The following EFHC2 variants were observed in gnomAD, a reference collection of about 807,000 sequenced individuals.
The protein encoded by EFHC2 is EF-hand domain-containing family member C2.
EFHC2 carries 18 observed loss-of-function variants against 52.7 expected under a neutral mutation model. The observed-to-expected ratio is 0.34, with a 90% CI of 0.24 to 0.51. The LOEUF (loss-of-function observed/expected upper bound fraction) is 0.51, where lower values mean the gene tolerates loss of function less well. Among genes scored for constraint, EFHC2 ranks in the 20% least tolerant of loss-of-function variants. EFHC2 has a pLI of 0.97. For missense variants in EFHC2, 513 were observed against 562.5 expected (o/e 0.91, Z 0.89); for synonymous variants, 203 against 204.1 (o/e 0.99, Z 0.04).
chrX:44,207,627 T>C (rs925038140), intron 11 of EFHC2, among the ~76,000 whole-genome samples: 2 of 111,975 alleles, frequency 1.8e-5, no homozygotes, highest in African/African-American at 6.5e-5. Context: ...CAAAAGCAAA[T>C]GTAACAAAAC....
intron 2 of EFHC2, among the ~76,000 whole-genome samples, chrX:44,276,012 T>C (rs2037655028): frequency 9.0e-6 from 1 of 111,025 alleles, no homozygotes; most frequent in African/African-American, 3.3e-5. Flanking sequence ...GGTGGGGGCA[T>C]GTGATCTTCA....
chrX:44,148,853 G>A lies in EFHC2; in HGVS notation c.2192C>T (p.Ala731Val), dbSNP rs34729789. 2.1e-4 allele frequency: 252 copies of A among 1,184,079 alleles called. No individual in the cohort carries two copies. In the African/African-American group the frequency reaches 3.7e-3, roughly 18 times the overall value. Residue 731 changes from alanine to valine, a missense_variant, in exon 15 of 15, where the codon GCG becomes GTG. Transcript: ENST00000420999. ...AAAGGTCCAGTAGTCAATGTATTTC[G>A]CAGGAATAGGTGATGGCATACCAAG... ...VWLGMPSPIP[A>V]KYIDYWTFLK... is the part of the protein sequence containing the mutation.
At chrX:44,279,038 T>C (rs1194397457) in intron 2 of EFHC2, among the ~76,000 whole-genome samples, 2 of 112,182 alleles carry the variant, frequency 1.8e-5, no homozygotes, top group Non-Finnish European at 3.8e-5. Context: ...CAGTGAGCAA[T>C]GATTCAAACA....
At chrX:44,287,026 TAAAAAAAAAA>T (rs57970615) in intron 2 of EFHC2, among the ~76,000 whole-genome samples, 1 of 15,209 alleles carries the variant, frequency 6.6e-5, no homozygotes. Context: ...CTCCCATCTC[TAAAAAAAAAA>T]AAAAAAAAAA....
chrX:44,205,444 C>T (rs1379146774), intron 11 of EFHC2, among the ~76,000 whole-genome samples: 1 of 109,804 alleles, frequency 9.1e-6, no homozygotes, highest in Non-Finnish European at 1.9e-5. Flanking sequence ...ACCCAACCTT[C>T]TCCTGTTTTC....
At chrX:44,310,353 C>G (rs2037938613) in intron 2 of EFHC2, 1 of 886,983 alleles carries the variant, frequency 1.1e-6, no homozygotes, top group South Asian at 2.1e-5. Context: ...CTGGCCAGAA[C>G]CCGGGTCCCG....
Position 44,229,719 on chromosome X carries a change from T to G in EFHC2, c.1681A>C (p.Arg561=). 1.7e-6 allele frequency: 2 copies of G among 1,210,732 alleles called. No individual in the cohort carries two copies. The highest frequency in any genetic ancestry group is 2.2e-6 in the Non-Finnish European group (2 of 894,698). The change falls in exon 11 of 15, where the codon AGA becomes CGA. Residue 561 remains arginine (R), a synonymous_variant. Coordinates refer to ENST00000420999, the MANE Select transcript of EFHC2 (RefSeq NM_025184.4). ...QKLKQEEGKS[R]ELKQVFKAAD... ...GCTTTAAATACCTGCTTGAGCTCTC[T>G]GGATTTTCCTTCTTCTTGCTTCAGC...
intron 4 of EFHC2, 35 bp from the exon 5 acceptor site, chrX:44,250,480 G>A: frequency 8.6e-7 from 1 of 1,158,798 alleles, no homozygotes; most frequent in Non-Finnish European, 1.2e-6. Context: ...ATAGTTGCAG[G>A]GTTTGCATAA....
At chrX:44,308,025 T>G (rs2037918787) in intron 2 of EFHC2, among the ~76,000 whole-genome samples, 1 of 111,595 alleles carries the variant, frequency 9.0e-6, no homozygotes, top group Admixed American at 9.5e-5. Flanking sequence ...AGTTTAAGAT[T>G]CCCCTAGATA....
intron 2 of EFHC2, among the ~76,000 whole-genome samples, chrX:44,278,433 G>A (rs2037677124): frequency 8.9e-6 from 1 of 111,957 alleles, no homozygotes; most frequent in Non-Finnish European, 1.9e-5. Context: ...TCAGAACCTT[G>A]GGGAGGGGAC....
chrX:44,334,076 T>C (rs2038103471), intron 1 of EFHC2, among the ~76,000 whole-genome samples: 1 of 112,210 alleles, frequency 8.9e-6, no homozygotes, highest in South Asian at 3.7e-4. Flanking sequence ...AAAGTTCTTA[T>C]GAGAAAATTA....
intron 11 of EFHC2, among the ~76,000 whole-genome samples, chrX:44,193,940 C>T (rs1177262511): frequency 9.0e-6 from 1 of 111,274 alleles, no homozygotes; most frequent in East Asian, 2.8e-4. Context: ...TGTGCCAATA[C>T]CCCAACCACT....
intron 4 of EFHC2, among the ~76,000 whole-genome samples, chrX:44,251,096 G>T (rs1220456174): frequency 9.5e-6 from 1 of 105,389 alleles, no homozygotes; most frequent in African/African-American, 3.5e-5. Flanking sequence ...AAAATTAGCC[G>T]GGCGTGGTGG....
intron 1 of EFHC2, among the ~76,000 whole-genome samples, chrX:44,341,922 T>G (rs2038154096): frequency 8.9e-6 from 1 of 112,706 alleles, no homozygotes; most frequent in Non-Finnish European, 1.9e-5. Context: ...CCTTAATCAC[T>G]GCACGTGAGA....
intron 11 of EFHC2, among the ~76,000 whole-genome samples, chrX:44,225,925 C>A (rs995271830): frequency 9.0e-6 from 1 of 111,612 alleles, no homozygotes; most frequent in Non-Finnish European, 1.9e-5. Context: ...GAAATAGGAT[C>A]GTTCATTAAA....
chrX:44,261,810 T>C (rs942537932), intron 3 of EFHC2, among the ~76,000 whole-genome samples: 3 of 105,466 alleles, frequency 2.8e-5, no homozygotes, highest in Non-Finnish European at 1.9e-5. Flanking sequence ...GGTGCCAACA[T>C]TGACTTAGAA....
intron 2 of EFHC2, among the ~76,000 whole-genome samples, chrX:44,310,646 T>C (rs756954238): frequency 8.9e-6 from 1 of 112,277 alleles, no homozygotes; most frequent in East Asian, 2.8e-4. Context: ...AACCAGGATC[T>C]AGTCTGTAGT....
Position 44,148,826 on chromosome X carries a change from A to C in EFHC2, c.2219T>G (p.Leu740Trp). ...CTCCTCTAAGCCAAACGCGTCCTTC[A>C]AAAAGGTCCAGTAGTCAATGTATTT... is the stretch of plus-strand genomic sequence containing the variant. ...PAKYIDYWTF[L>W]KDAFGLEEE The change falls in exon 15 of 15, where the codon TTG becomes TGG. Residue 740 changes from leucine to tryptophan, a missense_variant. Leu to Trp is a moderately conservative substitution (Grantham distance 61). Coordinates refer to ENST00000420999, the MANE Select transcript of EFHC2 (RefSeq NM_025184.4). 8.4e-7 allele frequency: 1 copy of C among 1,186,955 alleles called. No individual in the cohort carries two copies.
chrX:44,285,734 G>T, intron 2 of EFHC2: 1 of 158,652 alleles, frequency 6.3e-6, no homozygotes, highest in South Asian at 1.4e-4. Flanking sequence ...TGTGGCATTC[G>T]GCGAAATGGG....
Sources: gnomAD v4.1 joint callset for allele counts (sites outside exome capture counted in the v4.1 genomes callset) on GRCh38, gnomAD v4.1.1 for gene constraint, MANE v1.5 for transcripts, NCBI Gene and HGNC (gene_info 2026-07-23, HGNC 2026-07-21) for gene names.